The following MGA variants were observed in gnomAD, a reference collection of about 807,000 sequenced individuals.
The protein encoded by MGA is MAX dimerization protein MGA.
In MGA, 40 loss-of-function variants were observed where a neutral mutation model predicts 261.1. That is an observed-to-expected ratio of 0.15 (90% confidence interval 0.12 to 0.20). The LOEUF (loss-of-function observed/expected upper bound fraction) is 0.20, where lower values mean the gene tolerates loss of function less well. MGA is among the 10% of genes least tolerant of loss of function. The pLI, the probability that MGA is intolerant of heterozygous loss-of-function variation, is 1.00. For missense variants in MGA, 3,397 were observed against 3,630.5 expected, an observed-to-expected ratio of 0.94 and a Z score of 1.65; for synonymous variants, 1,302 against 1,290.6, an observed-to-expected ratio of 1.01 and a Z score of -0.19.
Position 41,736,445 on chromosome 15 carries a change from G to T in MGA, c.4181G>T (p.Arg1394Leu), listed in dbSNP as rs371527795. ...AAGAACCCTCCTGTTTATTCTTCTCGTGTGAAAATCTCTATGCCATCATGT... is the reference window on the plus strand; with the variant it reads ...AAGAACCCTCCTGTTTATTCTTCTCTTGTGAAAATCTCTATGCCATCATGT... Residue 1394 changes from arginine to leucine, a missense_variant, in exon 13 of 24, where the codon CGT (arginine) becomes CTT (leucine). Coordinates refer to ENST00000219905, the MANE Select transcript of MGA (RefSeq NM_001164273.2). 1.9e-6 allele frequency: 3 copies of T among 1,613,882 alleles called. No individual in the cohort carries two copies. The African/African-American group carries it at 4.0e-5, about 22-fold the overall frequency.
At chr15:41,757,901 G>T in intron 19 of MGA, 62 bp downstream of exon 19, 1 of 1,428,426 alleles carries the variant, frequency 7.0e-7, no homozygotes, top group Non-Finnish European at 9.8e-7. Context: ...TTTATCTTAG[G>T]GTTGAAACAA....
intron 9 of MGA, among the ~76,000 whole-genome samples, chr15:41,716,347 C>T (rs200283506): frequency 4.0e-5 from 6 of 151,440 alleles, no homozygotes; most frequent in East Asian, 1.9e-4. Context: ...CCAGCTACTC[C>T]GGAGGCTGAG....
At chr15:41,721,735 G>A (rs899513059) in intron 9 of MGA, among the ~76,000 whole-genome samples, 6 of 152,146 alleles carry the variant, frequency 3.9e-5, no homozygotes, top group African/African-American at 9.7e-5. Context: ...ATGAACAATG[G>A]GAAATCTCCT....
chr15:41,671,260 A>C (rs1010992468), intron 2 of MGA, among the ~76,000 whole-genome samples: 1 of 152,190 alleles, frequency 6.6e-6, no homozygotes, highest in Non-Finnish European at 1.5e-5. Context: ...CCAAAAAGCA[A>C]AACTTGAATT....
intron 17 of MGA, among the ~76,000 whole-genome samples, chr15:41,753,160 A>G (rs2062949074): frequency 6.6e-6 from 1 of 152,182 alleles, no homozygotes; most frequent in South Asian, 2.1e-4. Flanking sequence ...CTGTAATTCC[A>G]ACACTTTGGG....
chr15:41,683,699 C>T (rs1444596785), intron 2 of MGA, among the ~76,000 whole-genome samples: 2 of 151,570 alleles, frequency 1.3e-5, no homozygotes, highest in African/African-American at 4.9e-5. Flanking sequence ...CCACATCAGC[C>T]CCATAGGTAG....
In MGA at chr15:41,767,436, C is replaced by T; in HGVS notation, c.*156C>T. 1 of 756,848 alleles carries T rather than the reference C, an allele frequency of 1.3e-6. No individual in the cohort carries two copies. Among genetic ancestry groups the T allele is most frequent in the South Asian group, 1.8e-5 (1 of 54,384 alleles). 46.9% of individuals were successfully genotyped at this position (756,848 alleles called of 1,614,324 possible). A position where few individuals can be genotyped will look rare whatever the true frequency, so the allele number is the denominator to read the frequency against. On this transcript the variant is annotated 3_prime_UTR_variant, in exon 24 of 24. Coordinates refer to ENST00000219905, the MANE Select transcript of MGA (RefSeq NM_001164273.2). ...GGAGAAAGGGGGTAGGGTGCTGACC[C>T]TGGTATAAGAAGTACTCTGAAATTC...
chr15:41,708,300 C>A (rs1272086631), intron 7 of MGA, 92 bp downstream of exon 7: 2 of 929,400 alleles, frequency 2.2e-6, no homozygotes, highest in Non-Finnish European at 3.2e-6. Flanking sequence ...TTCTTCATTC[C>A]TTCTCGCCAT....
rs1164792138 is a variant in MGA, at chr15:41,737,351, C to T, written c.4434+653C>T. On this transcript the variant is annotated intron_variant, in intron 13 of 23. Transcript: ENST00000219905. ...TTTTTTTTTAGTAGAGACGGGGTTTCGCCATGTTGTCCAGGCTGGTCTCGA... is the reference window on the plus strand; with the variant it reads ...TTTTTTTTTAGTAGAGACGGGGTTTTGCCATGTTGTCCAGGCTGGTCTCGA... 2.0e-5 allele frequency among the ~76,000 whole-genome samples: 3 copies of T among 150,110 alleles called. 1 individual carries two copies. Among genetic ancestry groups the T allele is most frequent in the South Asian group, 4.2e-4 (2 of 4,738 alleles).
chr15:41,674,708 C>T (rs555548517), intron 2 of MGA, among the ~76,000 whole-genome samples: 5 of 152,040 alleles, frequency 3.3e-5, no homozygotes, highest in Admixed American at 2.6e-4. Context: ...TTAGTAGAGA[C>T]GGGGTTTCAC....
chr15:41,726,649 A>C (rs770081463), intron 9 of MGA, among the ~76,000 whole-genome samples: 2 of 152,030 alleles, frequency 1.3e-5, no homozygotes, highest in African/African-American at 2.4e-5. Flanking sequence ...GAATCTCCTG[A>C]ACATGGGAGG....
chr15:41,766,993 A>T lies in MGA; in HGVS notation c.8911A>T (p.Thr2971Ser), dbSNP rs2063831683. Residue 2971 changes from threonine to serine, a missense_variant, in exon 24 of 24, where the codon ACT becomes TCT. Thr to Ser is a moderately conservative substitution (Grantham distance 58). Coordinates refer to ENST00000219905, the MANE Select transcript of MGA (RefSeq NM_001164273.2). ...CTCACCCCCCACCCTACACATGAAG[A>T]CTGGCTTGGAGAACAGCAACAGCAC... The T allele has an allele frequency of 5.0e-6, 8 of 1,613,940 alleles. No homozygotes were observed. The highest frequency in any genetic ancestry group is 6.8e-6 in the Non-Finnish European group (8 of 1,179,884).
At chr15:41,688,138 C>T (rs533829172) in intron 2 of MGA, among the ~76,000 whole-genome samples, 8 of 152,218 alleles carry the variant, frequency 5.3e-5, no homozygotes, top group Admixed American at 5.2e-4. Context: ...TGCAGTGGTG[C>T]GATGTTGGCT....
intron 9 of MGA, among the ~76,000 whole-genome samples, chr15:41,726,974 C>T (rs2061284852): frequency 6.6e-6 from 1 of 152,082 alleles, no homozygotes; most frequent in African/African-American, 2.4e-5. Context: ...TGGTTGATAG[C>T]TGGTGTTCAA....
At chr15:41,695,829 T>C (rs1050510258) in intron 2 of MGA, among the ~76,000 whole-genome samples, 3 of 152,220 alleles carry the variant, frequency 2.0e-5, no homozygotes, top group African/African-American at 4.8e-5. Flanking sequence ...CAGGAAAATA[T>C]CAGCTGGCAG....
chr15:41,764,829 C>T (rs2063715401), intron 22 of MGA, 57 bp from the exon 23 acceptor site: 10 of 1,562,932 alleles, frequency 6.4e-6, no homozygotes, highest in Non-Finnish European at 8.8e-6. Context: ...CAGGCATGAG[C>T]CACCACACCC....
At chr15:41,656,411 G>C (rs1290211484), upstream of MGA, among the ~76,000 whole-genome samples, 1 of 127,068 alleles carries the variant, frequency 7.9e-6, no homozygotes, top group Non-Finnish European at 1.7e-5. Context: ...GCATGATCTT[G>C]ACTCACTGCA....
At chr15:41,648,736 G>T (rs1238193540) in intron 1 of MGA, among the ~76,000 whole-genome samples, 1 of 152,144 alleles carries the variant, frequency 6.6e-6, no homozygotes, top group Non-Finnish European at 1.5e-5. Flanking sequence ...TGGGGAGAAT[G>T]ATGTGAACGC....
At chr15:41,764,859 A>G (rs750886249) in intron 22 of MGA, 27 bp from the exon 23 acceptor site, 39 of 1,611,602 alleles carry the variant, frequency 2.4e-5, no homozygotes, top group Middle Eastern at 1.6e-4. Flanking sequence ...CCTTTTATCT[A>G]TAACTAATTT....
Sources: allele counts gnomAD v4.1 joint callset (sites outside exome capture counted in the v4.1 genomes callset), GRCh38; gene constraint gnomAD v4.1.1; transcripts MANE v1.5; gene names NCBI Gene and HGNC (gene_info 2026-07-23, HGNC 2026-07-21).